Variants in ITSN1 observed in about 807,000 individuals in gnomAD.
ITSN1 encodes the protein intersectin 1, also known as intersectin-1.
Under a neutral mutation model 239.8 loss-of-function variants are expected in ITSN1, and 58 were observed. The observed-to-expected ratio is 0.24, with a 90% CI of 0.20 to 0.30. The LOEUF (loss-of-function observed/expected upper bound fraction) is 0.30. Among genes scored for constraint, ITSN1 ranks in the 10% least tolerant of loss-of-function variants. The pLI is 1.00. For synonymous variants in ITSN1, 780 were observed against 770.8 expected (o/e 1.01, Z -0.20); for missense variants, 1,558 against 2,103.3 (o/e 0.74, Z 5.07).
At position 33,729,970 on chromosome 21, in the gene ITSN1, C is replaced by G. The variant is rs11910876; in HGVS notation, c.186-5074C>G. Among the ~76,000 whole-genome samples the G allele has an allele frequency of 5.6e-3, 847 of 152,144 alleles. 7 individuals are homozygous for G. The highest frequency in any genetic ancestry group is 0.02 in the African/African-American group (812 of 41,506). On this transcript the variant is annotated intron_variant, in intron 4 of 39. Coordinates refer to ENST00000381318, the MANE Select transcript of ITSN1 (RefSeq NM_003024.3). ...AGATTTCAAGATTACTTTGTAGTTC[C>G]TTTTGTTTTTAAACAGAGGACATAT...
chr21:33,888,019 T>C (rs1206310675), intron 39 of ITSN1, 133 bp from the exon 40 acceptor site: 14 of 802,938 alleles, frequency 1.7e-5, no homozygotes, highest in Non-Finnish European at 2.7e-5. Flanking sequence ...GAAATCCTAG[T>C]GTTGGTTTAC....
At chr21:33,699,773 TATTTA>T (rs2091931888) in intron 1 of ITSN1, among the ~76,000 whole-genome samples, 1 of 152,324 alleles carries the variant, frequency 6.6e-6, no homozygotes, top group African/African-American at 2.4e-5. Flanking sequence ...CATTTTATTT[TATTTA>T]GAGACAGTGT....
At chr21:33,859,973 T>A (rs1980161481) in intron 31 of ITSN1, among the ~76,000 whole-genome samples, 1 of 152,202 alleles carries the variant, frequency 6.6e-6, no homozygotes, top group Admixed American at 6.5e-5. Flanking sequence ...GTGTGTCTTC[T>A]GGCAGGTCAC....
At chr21:33,856,952 C>G in intron 30 of ITSN1, 95 bp downstream of exon 30, 1 of 1,225,262 alleles carries the variant, frequency 8.2e-7, no homozygotes. Context: ...TGATTCTGAG[C>G]CCAAGAAACT....
intron 29 of ITSN1, among the ~76,000 whole-genome samples, chr21:33,839,525 C>T (rs1008182890): frequency 6.6e-6 from 1 of 152,108 alleles, no homozygotes; most frequent in African/African-American, 2.4e-5. Flanking sequence ...TTCTCACTGT[C>T]CCCCAGGCCA....
At chr21:33,819,597 T>G (rs2073519503) in intron 24 of ITSN1, among the ~76,000 whole-genome samples, 1 of 152,138 alleles carries the variant, frequency 6.6e-6, no homozygotes, top group South Asian at 2.1e-4. Flanking sequence ...AAGAATCGAG[T>G]TTTCCGAGCA....
intron 29 of ITSN1, among the ~76,000 whole-genome samples, chr21:33,844,046 T>G (rs2074911440): frequency 6.6e-6 from 1 of 152,192 alleles, no homozygotes; most frequent in Admixed American, 6.5e-5. Context: ...TTTTATAGAT[T>G]AGGAATTTCA....
chr21:33,848,044 C>T (rs2075038666), intron 29 of ITSN1, among the ~76,000 whole-genome samples: 1 of 152,254 alleles, frequency 6.6e-6, no homozygotes, highest in East Asian at 1.9e-4. Context: ...CCATGCCACA[C>T]ACAGCTGCCG....
chr21:33,856,613 G>A, intron 29 of ITSN1, 123 bp from the exon 30 acceptor site: 3 of 1,382,804 alleles, frequency 2.2e-6, no homozygotes, highest in Admixed American at 3.7e-5. Context: ...ACACATTTCA[G>A]CCCATGACCC....
chr21:33,838,420 C>T (rs867915249), intron 29 of ITSN1: 12 of 983,356 alleles, frequency 1.2e-5, no homozygotes, highest in Middle Eastern at 5.2e-4. Flanking sequence ...AATATATAAA[C>T]CTGCGGCTTT....
At chr21:33,665,791 C>A (rs1426342501) in intron 1 of ITSN1, among the ~76,000 whole-genome samples, 1 of 152,066 alleles carries the variant, frequency 6.6e-6, no homozygotes, top group Non-Finnish European at 1.5e-5. Context: ...GGATATGATT[C>A]AGCTATAAAA....
At chr21:33,839,575 T>C (rs1362950912) in intron 29 of ITSN1, among the ~76,000 whole-genome samples, 2 of 152,162 alleles carry the variant, frequency 1.3e-5, no homozygotes, top group Non-Finnish European at 2.9e-5. Flanking sequence ...AAGTCCCATC[T>C]CTTCCCCAGG....
At position 33,691,774 on chromosome 21, in the gene ITSN1, A is replaced by G. The variant is rs542579264; in HGVS notation, c.-32-27023A>G. 3.3e-5 allele frequency among the ~76,000 whole-genome samples: 5 copies of G among 152,284 alleles called. No individual in the cohort carries two copies. The East Asian group carries it at 9.6e-4, about 29-fold the overall frequency. Reference sequence around the variant, plus strand: ...TGCAGACAGTCACCTTCCTGCTGGCAGAAGGAGAGATCATCTCTCTGATGT... The same window carrying G: ...TGCAGACAGTCACCTTCCTGCTGGCGGAAGGAGAGATCATCTCTCTGATGT... On this transcript the variant is annotated intron_variant, in intron 1 of 39. Coordinates refer to ENST00000381318, the MANE Select transcript of ITSN1 (RefSeq NM_003024.3).
intron 27 of ITSN1, among the ~76,000 whole-genome samples, chr21:33,830,983 C>T (rs1281222604): frequency 6.6e-6 from 1 of 152,106 alleles, no homozygotes; most frequent in Non-Finnish European, 1.5e-5. Flanking sequence ...GGTAAAGGGC[C>T]TATGGGTGTT....
At chr21:33,733,340 G>A in intron 4 of ITSN1, among the ~76,000 whole-genome samples, 1 of 152,148 alleles carries the variant, frequency 6.6e-6, no homozygotes, top group Non-Finnish European at 1.5e-5. Context: ...AGGAATCCAT[G>A]TAGAAGAAAT....
chr21:33,652,793 C>T lies in ITSN1; in HGVS notation c.-33+10080C>T, dbSNP rs546725320. On this transcript the variant is annotated intron_variant, in intron 1 of 39. Transcript: ENST00000381318. ...GGCCTTACACAAATTTATTTGGTAACCAACTTGTCTTGCTGGAACTCTAAG... is the reference window on the plus strand; with the variant it reads ...GGCCTTACACAAATTTATTTGGTAATCAACTTGTCTTGCTGGAACTCTAAG... 2.4e-4 allele frequency among the ~76,000 whole-genome samples: 36 copies of T among 152,124 alleles called. 1 individual carries two copies. The highest frequency in any genetic ancestry group is 8.4e-4 in the African/African-American group (35 of 41,466).
intron 1 of ITSN1, among the ~76,000 whole-genome samples, chr21:33,678,296 C>T (rs963934513): frequency 2.0e-5 from 3 of 152,218 alleles, no homozygotes; most frequent in Non-Finnish European, 2.9e-5. Flanking sequence ...GCCCCACACA[C>T]CCCCTCTAGT....
At chr21:33,716,107 TA>T (rs1228280039) in intron 1 of ITSN1, among the ~76,000 whole-genome samples, 1 of 152,118 alleles carries the variant, frequency 6.6e-6, no homozygotes, top group Non-Finnish European at 1.5e-5. Context: ...GTTATGGAGA[TA>T]ACAGCATGCC....
At chr21:33,826,527 G>T (rs1039518056) in intron 25 of ITSN1, among the ~76,000 whole-genome samples, 1 of 152,210 alleles carries the variant, frequency 6.6e-6, no homozygotes, top group Non-Finnish European at 1.5e-5. Flanking sequence ...CCTCCTCTTA[G>T]ATTTGACCAG....
Sources: gnomAD v4.1 joint callset for allele counts (sites outside exome capture counted in the v4.1 genomes callset) on GRCh38, gnomAD v4.1.1 for gene constraint, MANE v1.5 for transcripts, NCBI Gene and HGNC (gene_info 2026-07-23, HGNC 2026-07-21) for gene names.